Variants in ADGRV1 observed in about 807,000 individuals in gnomAD.
ADGRV1 encodes the protein adhesion G protein-coupled receptor V1.
ADGRV1 carries 359 observed loss-of-function variants against 596.2 expected under a neutral mutation model. The observed-to-expected ratio is 0.60, with a 90% CI of 0.55 to 0.66. The LOEUF (loss-of-function observed/expected upper bound fraction) is 0.66, where lower values mean the gene tolerates loss of function less well. ADGRV1 is among the 30% of genes least tolerant of loss of function. The pLI, the probability that ADGRV1 is intolerant of heterozygous loss-of-function variation, is 0.00. For synonymous variants in ADGRV1, 2,681 were observed against 2,679.2 expected, an observed-to-expected ratio of 1.00 and a Z score of -0.02; for missense variants, 7,274 against 7,575.6, an observed-to-expected ratio of 0.96 and a Z score of 1.48.
intron 19 of ADGRV1, 39 bp from the exon 20 acceptor site, chr5:90,653,170 G>A: frequency 6.6e-7 from 1 of 1,517,378 alleles, no homozygotes; most frequent in Non-Finnish European, 8.8e-7. Context: ...GAAAGTACTT[G>A]AAATTCTAGT....
At position 90,755,000 on chromosome 5, in the gene ADGRV1, C is replaced by T; in HGVS notation, c.11395C>T (p.Gln3799Ter). Reference sequence around the variant, plus strand: ...TCTCACAGAAAACACCACCACTCTTCAGTTACAAATAGCTCGAGATAAAGG... The same window carrying T: ...TCTCACAGAAAACACCACCACTCTTTAGTTACAAATAGCTCGAGATAAAGG... ...AEPKENTTTL[Q>*]LQIARDKGLL... is the part of the protein sequence containing the mutation. The change falls in exon 55 of 90, where the codon CAG becomes TAG. Residue 3799 changes from glutamine (Q) to a stop codon, truncating the protein, a stop_gained. Coordinates refer to ENST00000405460, the MANE Select transcript of ADGRV1 (RefSeq NM_032119.4). LOFTEE classifies it high-confidence loss of function. 6.2e-7 allele frequency: 1 copy of T among 1,612,390 alleles called. No individual in the cohort carries two copies. The highest frequency in any genetic ancestry group is 8.5e-7 in the Non-Finnish European group (1 of 1,178,694).
intron 79 of ADGRV1, among the ~76,000 whole-genome samples, chr5:90,849,769 G>A (rs1277511589): frequency 1.3e-5 from 2 of 152,036 alleles, no homozygotes; most frequent in Non-Finnish European, 2.9e-5. Flanking sequence ...ATAAGAACAA[G>A]GAATAAAATA....
At chr5:90,597,144 G>A (rs961756078) in intron 1 of ADGRV1, among the ~76,000 whole-genome samples, 6 of 152,126 alleles carry the variant, frequency 3.9e-5, no homozygotes, top group Non-Finnish European at 8.8e-5. Context: ...TTGAAAGTGT[G>A]AGCAGGATTG....
chr5:91,097,904 T>C lies in ADGRV1; in HGVS notation c.18311-4315T>C, dbSNP rs1211311685. Among the ~76,000 whole-genome samples, 5 of 152,132 alleles carry C rather than the reference T, an allele frequency of 3.3e-5. No homozygotes were observed. In the East Asian group the frequency reaches 9.6e-4, roughly 29 times the overall value. The stretch of plus-strand genomic sequence containing the variant: ...AAATGTCCTTTGTCCATGTTTCAAA[T>C]GGATTGAATGGGTATTTTGTTGTTA... On this transcript the variant is annotated intron_variant, in intron 86 of 89. Transcript: ENST00000405460.
intron 21 of ADGRV1, among the ~76,000 whole-genome samples, chr5:90,661,951 A>G (rs1770368314): frequency 6.6e-6 from 1 of 152,194 alleles, no homozygotes; most frequent in Non-Finnish European, 1.5e-5. Flanking sequence ...CTTGTCAGAA[A>G]TATCTAATGC....
intron 87 of ADGRV1, among the ~76,000 whole-genome samples, chr5:91,124,021 A>G (rs1297713180): frequency 6.6e-6 from 1 of 152,288 alleles, no homozygotes; most frequent in East Asian, 1.9e-4. Flanking sequence ...TAGGTGGCCA[A>G]GGAGAAGGCC....
At chr5:90,659,401 T>A (rs1271786445) in intron 21 of ADGRV1, among the ~76,000 whole-genome samples, 1 of 152,220 alleles carries the variant, frequency 6.6e-6, no homozygotes, top group East Asian at 1.9e-4. Context: ...TTAACCAGTG[T>A]GATTATTTTG....
chr5:90,948,174 C>G (rs1056517163), intron 83 of ADGRV1, among the ~76,000 whole-genome samples: 1 of 152,086 alleles, frequency 6.6e-6, no homozygotes, highest in Non-Finnish European at 1.5e-5. Context: ...TGACATTATT[C>G]TGTTAGTTAC....
intron 87 of ADGRV1, among the ~76,000 whole-genome samples, chr5:91,124,038 C>A (rs1037375033): frequency 6.6e-6 from 1 of 152,078 alleles, no homozygotes; most frequent in South Asian, 2.1e-4. Context: ...GGCCTTGAAA[C>A]GTTTGAGAAG....
In ADGRV1 at chr5:90,625,423, A is replaced by T. The variant is rs1764610791; in HGVS notation, c.672+180A>T. On this transcript the variant is annotated intron_variant, in intron 6 of 89. Coordinates refer to ENST00000405460, the MANE Select transcript of ADGRV1 (RefSeq NM_032119.4). ...CATTAAATTACACATCTAAAAGCTGATGAATCTGAATATAACTGGCAACCA... is the reference window on the plus strand; with the variant it reads ...CATTAAATTACACATCTAAAAGCTGTTGAATCTGAATATAACTGGCAACCA... The T allele has an allele frequency of 6.6e-6, 3 of 453,688 alleles. No individual in the cohort carries two copies. The East Asian group carries it at 1.0e-4, about 15-fold the overall frequency. The allele number at this position is 453,688 out of a possible 1,614,324, so 28.1% of individuals were successfully genotyped here. A position where few individuals can be genotyped will look rare whatever the true frequency, so the allele number is the denominator to read the frequency against.
At chr5:90,733,838 A>G (rs1389367548) in intron 50 of ADGRV1, among the ~76,000 whole-genome samples, 1 of 152,162 alleles carries the variant, frequency 6.6e-6, no homozygotes, top group East Asian at 1.9e-4. Flanking sequence ...ATACATTATT[A>G]TTGATTATAG....
At chr5:91,043,145 T>C (rs1785508336) in intron 85 of ADGRV1, among the ~76,000 whole-genome samples, 1 of 152,182 alleles carries the variant, frequency 6.6e-6, no homozygotes, top group Non-Finnish European at 1.5e-5. Context: ...CTGTACTTCA[T>C]TATTTCAGAT....
At chr5:91,115,013 G>A (rs1451621586) in intron 87 of ADGRV1, among the ~76,000 whole-genome samples, 1 of 152,130 alleles carries the variant, frequency 6.6e-6, no homozygotes, top group African/African-American at 2.4e-5. Flanking sequence ...AAGTCCCTCA[G>A]AAGAAAAAAC....
rs539129992 is a variant in ADGRV1, at chr5:90,681,410, A to G, written c.5620A>G (p.Ser1874Gly). Residue 1874 changes from serine (S) to glycine (G), a missense_variant, in exon 27 of 90, where the codon AGT (serine) becomes GGT (glycine). By Grantham distance (56) the Ser-to-Gly change is moderately conservative (BLOSUM62 0). Around this residue, in one of 5 missense-constraint regions of ADGRV1, gnomAD observed 3,643 missense variants for 3,809.2 expected, o/e 0.96. Transcript: ENST00000405460. ...ATTTAGCCCTGAGTCACTCTTTGTC[A>G]GTGGAACTGAACCAGAAGATGGGTA... is the stretch of plus-strand genomic sequence containing the variant. ...FEFSPESLFV[S>G]GTEPEDGYST... 101 of 1,613,878 alleles carry G rather than the reference A, an allele frequency of 6.3e-5. No individual in the cohort carries two copies. In the East Asian group the frequency reaches 2.1e-3, roughly 34 times the overall value.
chr5:91,103,891 G>T (rs757176490), intron 87 of ADGRV1, among the ~76,000 whole-genome samples: 11 of 152,040 alleles, frequency 7.2e-5, no homozygotes, highest in Non-Finnish European at 1.3e-4. Context: ...GACTAATCTC[G>T]CCTAGATTAA....
Position 90,558,841 on chromosome 5 carries a change from C to T in ADGRV1, c.-55C>T, listed in dbSNP as rs1456568522. 6.5e-7 allele frequency: 1 copy of T among 1,546,058 alleles called. No individual in the cohort carries two copies. The highest frequency in any genetic ancestry group is 8.8e-7 in the Non-Finnish European group (1 of 1,139,798). On this transcript the variant is annotated 5_prime_UTR_variant, in exon 1 of 90. Coordinates refer to ENST00000405460, the MANE Select transcript of ADGRV1 (RefSeq NM_032119.4). ...GCGGGCAAGGAGTACGGACGGGAGTCAGAGGCAGAGCGAGGGTGTGTGGAG... is the reference window on the plus strand; with the variant it reads ...GCGGGCAAGGAGTACGGACGGGAGTTAGAGGCAGAGCGAGGGTGTGTGGAG...
intron 21 of ADGRV1, among the ~76,000 whole-genome samples, chr5:90,665,529 G>A (rs951844311): frequency 2.3e-4 from 35 of 151,272 alleles, no homozygotes; most frequent in South Asian, 6.3e-4. Context: ...TCTTGCTAGC[G>A]GTCTATTTAT....
At chr5:90,559,048 G>A (rs1308510016) in intron 1 of ADGRV1, 131 bp downstream of exon 1, 14 of 705,712 alleles carry the variant, frequency 2.0e-5, no homozygotes, top group Non-Finnish European at 2.5e-5. Context: ...GGCCCAGGGA[G>A]GCTGGGCGCG....
rs146219726 is a variant in ADGRV1 at position 90,660,565 on chromosome 5, A to G, written c.4752+2287A>G. Among the ~76,000 whole-genome samples the G allele has an allele frequency of 5.8e-3, 880 of 152,276 alleles. 2 individuals carry two copies. Among genetic ancestry groups the G allele is most frequent in the Non-Finnish European group, 6.7e-3 (454 of 68,030 alleles). On this transcript the variant is annotated intron_variant, in intron 21 of 89. Transcript: ENST00000405460. ...AATTCCCTCAAAATTTCTGAATGCA[A>G]TAGAGACCCTATAAAGACTCTGGGC...
Sources: allele counts gnomAD v4.1 joint callset (sites outside exome capture counted in the v4.1 genomes callset), GRCh38; gene constraint gnomAD v4.1.1; regional missense constraint gnomAD v4.1.1; transcripts MANE v1.5; gene names NCBI Gene and HGNC (gene_info 2026-07-23, HGNC 2026-07-21).